Variants in NKD1 observed in about 807,000 individuals in gnomAD.
NKD1 encodes NKD inhibitor of Wnt signaling pathway 1.
In NKD1, 21 loss-of-function variants were observed where a neutral mutation model predicts 56.0. The observed-to-expected ratio is 0.38, with a 90% CI of 0.27 to 0.54. The LOEUF (loss-of-function observed/expected upper bound fraction) is 0.54, where lower values mean the gene tolerates loss of function less well. Ranked by LOEUF, NKD1 falls within the 20% of genes least tolerant of loss-of-function variation. The probability of loss-of-function intolerance (pLI) is 0.82; values close to 1 mark genes in which losing one functional copy is unlikely to be tolerated. For synonymous variants in NKD1, 263 were observed against 265.7 expected, an observed-to-expected ratio of 0.99 and a Z score of 0.10; for missense variants, 578 against 642.7, an observed-to-expected ratio of 0.90 and a Z score of 1.09.
chr16:50,648,499 T>C lies in NKD1; in HGVS notation c.*14718T>C, dbSNP rs1476057349. On this transcript the variant is annotated 3_prime_UTR_variant, in exon 10 of 10. Transcript: ENST00000268459. ...TGGACTTTCTTGCCCCTAAATCCAC[T>C]GGGCATTTCATTGCTACCTTTCTTG... 9 of 152,408 alleles carry C rather than the reference T, an allele frequency of 5.9e-5. No homozygotes were observed. The highest frequency in any genetic ancestry group is 8.8e-5 in the Non-Finnish European group (6 of 68,046). 9.4% of individuals were successfully genotyped at this position (152,408 alleles called of 1,614,324 possible).
intron 3 of NKD1, among the ~76,000 whole-genome samples, chr16:50,592,235 C>T (rs1042062080): frequency 3.3e-5 from 5 of 152,190 alleles, no homozygotes; most frequent in South Asian, 2.1e-4. Flanking sequence ...CTGCTGCCGC[C>T]GCCTGGGGGC....
chr16:50,593,565 G>A (rs1355890261), intron 3 of NKD1, among the ~76,000 whole-genome samples: 2 of 152,252 alleles, frequency 1.3e-5, no homozygotes, highest in South Asian at 2.1e-4. Flanking sequence ...TTGTGTGCCC[G>A]GCCCTGACCA....
At chr16:50,607,727 A>G (rs1961744915) in intron 3 of NKD1, 1 of 154,080 alleles carries the variant, frequency 6.5e-6, no homozygotes, top group South Asian at 2.0e-4. Context: ...GTTTAAAAGA[A>G]TCTTCTTTGA....
chr16:50,627,512 G>A lies in NKD1; in HGVS notation c.462+1932G>A, dbSNP rs528565312. 3.0e-3 allele frequency among the ~76,000 whole-genome samples: 463 copies of A among 152,236 alleles called. 3 individuals are homozygous for A. Among genetic ancestry groups the A allele is most frequent in the African/African-American group, 0.011 (446 of 41,530 alleles). On this transcript the variant is annotated intron_variant, in intron 6 of 9. Transcript: ENST00000268459. ...AGGGAGTGGTTTTGAGTGGAGGGAG[G>A]ACTGGTCTGGTGTTTCCCTGGTCTA...
chr16:50,625,367 T>G (rs780051363), intron 5 of NKD1, 118 bp from the exon 6 acceptor site: 1 of 731,398 alleles, frequency 1.4e-6, no homozygotes, highest in Non-Finnish European at 2.4e-6. Context: ...ACTCAAGGTC[T>G]GGGGAGGGCA....
intron 3 of NKD1, among the ~76,000 whole-genome samples, chr16:50,563,774 G>T (rs1446164057): frequency 1.4e-5 from 2 of 146,050 alleles, no homozygotes; most frequent in Non-Finnish European, 1.5e-5. Flanking sequence ...TCCTCAGTGG[G>T]CACAGCCCTG....
intron 4 of NKD1, among the ~76,000 whole-genome samples, chr16:50,611,520 G>C (rs988073655): frequency 1.3e-5 from 2 of 152,208 alleles, no homozygotes; most frequent in African/African-American, 2.4e-5. Context: ...GGCAGCCCGT[G>C]GGGTGGTCTC....
At chr16:50,604,093 G>A (rs1457921836) in intron 3 of NKD1, among the ~76,000 whole-genome samples, 1 of 152,240 alleles carries the variant, frequency 6.6e-6, no homozygotes, top group African/African-American at 2.4e-5. Context: ...TGGGATCACA[G>A]AGTGACAACT....
At chr16:50,574,004 A>G in intron 3 of NKD1, 2 of 957,710 alleles carry the variant, frequency 2.1e-6, no homozygotes, top group South Asian at 4.8e-5. Context: ...GTGTCTATAT[A>G]TACATAGAAA....
chr16:50,600,888 C>T (rs1961581591), intron 3 of NKD1, among the ~76,000 whole-genome samples: 1 of 152,226 alleles, frequency 6.6e-6, no homozygotes, highest in African/African-American at 2.4e-5. Flanking sequence ...TGCAAACTCT[C>T]AAGCCCAGGA....
At chr16:50,548,610 G>A (rs1023872611) in intron 1 of NKD1, 32 bp downstream of exon 1, 2 of 1,449,216 alleles carry the variant, frequency 1.4e-6, no homozygotes. Context: ...CTCGCCCCGG[G>A]CCCCGCCGCC....
rs2151281624 is a variant in NKD1 at position 50,633,328 on chromosome 16, C to T, written c.960C>T (p.Phe320=). 6.2e-7 allele frequency: 1 copy of T among 1,614,182 alleles called. No individual in the cohort carries two copies. The highest frequency in any genetic ancestry group is 8.5e-7 in the Non-Finnish European group (1 of 1,180,008). ...GCGTGGACCCGGCCTCCTTCCACTT[C>T]CTTGACACCCCAATCGCCAAGGTCT... is the stretch of plus-strand genomic sequence containing the variant. ...PQGVDPASFH[F]LDTPIAKVSE... Residue 320 remains phenylalanine (F), a synonymous_variant, in exon 10 of 10, where the codon TTC becomes TTT. Coordinates refer to ENST00000268459, the MANE Select transcript of NKD1 (RefSeq NM_033119.5). This position sits in a 1 kb window ranked among gnomAD's most constrained non-coding sequence, Gnocchi z 4.9.
Position 50,548,501 on chromosome 16 carries a change from CCCGCG to C in NKD1, c.-52_-48del. The C allele has an allele frequency of 7.1e-7, 1 of 1,404,742 alleles. No individual in the cohort carries two copies. Among genetic ancestry groups the C allele is most frequent in the East Asian group, 3.2e-5 (1 of 31,516 alleles). The allele number at this position is 1,404,742 out of a possible 1,614,324, so 87.0% of individuals were successfully genotyped here. On this transcript the variant is annotated 5_prime_UTR_variant, in exon 1 of 10. Coordinates refer to ENST00000268459, the MANE Select transcript of NKD1 (RefSeq NM_033119.5). ...GAGGAGAGCCAAGGGAGGCGCCAGG[CCCGCG>C]GGCCGGGCGCATGGCTTAGGGACGC...
At chr16:50,617,465 T>C (rs1277665198) in intron 4 of NKD1, among the ~76,000 whole-genome samples, 1 of 152,212 alleles carries the variant, frequency 6.6e-6, no homozygotes, top group Non-Finnish European at 1.5e-5. Context: ...AAAAGGTATT[T>C]TGAAGCTTGA....
At chr16:50,579,456 T>C (rs1961065237) in intron 3 of NKD1, among the ~76,000 whole-genome samples, 1 of 139,408 alleles carries the variant, frequency 7.2e-6, no homozygotes, top group African/African-American at 2.8e-5. Context: ...CCGCCACGCA[T>C]GCACTGTCTT....
chr16:50,561,167 G>C (rs528280068), intron 3 of NKD1, among the ~76,000 whole-genome samples: 2 of 152,222 alleles, frequency 1.3e-5, no homozygotes, highest in African/African-American at 4.8e-5. Flanking sequence ...ATGGAGGGGG[G>C]GCCCATGGCT....
At chr16:50,593,529 G>A (rs1036177800) in intron 3 of NKD1, among the ~76,000 whole-genome samples, 2 of 152,176 alleles carry the variant, frequency 1.3e-5, no homozygotes, top group African/African-American at 4.8e-5. Context: ...ATGTCCTGGG[G>A]TTGCCTCTCC....
At chr16:50,620,370 T>C (rs1347153415) in intron 4 of NKD1, among the ~76,000 whole-genome samples, 1 of 152,094 alleles carries the variant, frequency 6.6e-6, no homozygotes, top group African/African-American at 2.4e-5. Context: ...AAATCCCCCA[T>C]CTAGTTTCCT....
At chr16:50,617,116 C>T (rs1275509478) in intron 4 of NKD1, among the ~76,000 whole-genome samples, 3 of 152,204 alleles carry the variant, frequency 2.0e-5, no homozygotes, top group Non-Finnish European at 4.4e-5. Context: ...GGGTCACTGC[C>T]ATTTGCCAGG....
Sources: allele counts gnomAD v4.1 joint callset (sites outside exome capture counted in the v4.1 genomes callset), GRCh38; gene constraint gnomAD v4.1.1; non-coding constraint Gnocchi (gnomAD v3.1); transcripts MANE v1.5; gene names NCBI Gene and HGNC (gene_info 2026-07-23, HGNC 2026-07-21).